The following PTPRM variants were observed in gnomAD, a reference collection of about 807,000 sequenced individuals.
The protein encoded by PTPRM is receptor-type tyrosine-protein phosphatase mu.
Under a neutral mutation model 186.7 loss-of-function variants are expected in PTPRM, and 47 were observed. That is an observed-to-expected ratio of 0.25 (90% CI 0.20 to 0.32). The LOEUF (loss-of-function observed/expected upper bound fraction) is 0.32, where lower values mean the gene tolerates loss of function less well. Among genes scored for constraint, PTPRM ranks in the 10% least tolerant of loss-of-function variants. PTPRM has a pLI of 1.00. For missense variants in PTPRM, 1,494 were observed against 1,865.0 expected (o/e 0.80, Z 3.66); for synonymous variants, 668 against 674.9 (o/e 0.99, Z 0.16).
At chr18:7,713,209 C>T (rs930495995) in intron 1 of PTPRM, among the ~76,000 whole-genome samples, 7 of 152,072 alleles carry the variant, frequency 4.6e-5, no homozygotes, top group Non-Finnish European at 7.4e-5. Context: ...GGGTGGGGGC[C>T]AATATTCAAC....
At chr18:8,065,021 C>A (rs1052640076) in intron 7 of PTPRM, among the ~76,000 whole-genome samples, 3 of 152,094 alleles carry the variant, frequency 2.0e-5, no homozygotes, top group Non-Finnish European at 2.9e-5. Flanking sequence ...CCATAGAGTT[C>A]ATTGAGAGGT....
At chr18:7,891,431 TA>T in intron 3 of PTPRM, among the ~76,000 whole-genome samples, 1 of 152,076 alleles carries the variant, frequency 6.6e-6, no homozygotes, top group Non-Finnish European at 1.5e-5. Flanking sequence ...AAACAAAAAG[TA>T]AAAATTTGTT....
intron 1 of PTPRM, among the ~76,000 whole-genome samples, chr18:7,665,439 C>T (rs917289331): frequency 2.6e-5 from 4 of 152,060 alleles, no homozygotes; most frequent in Non-Finnish European, 4.4e-5. Context: ...CTTATTACCT[C>T]GTAAATTTTT....
chr18:7,998,569 C>T (rs545047672), intron 7 of PTPRM, among the ~76,000 whole-genome samples: 1 of 152,118 alleles, frequency 6.6e-6, no homozygotes, highest in East Asian at 1.9e-4. Flanking sequence ...AGGAAAAAAG[C>T]ATTAAATATT....
At chr18:8,240,958 G>GT (rs1568585746) in intron 14 of PTPRM, among the ~76,000 whole-genome samples, 2 of 152,248 alleles carry the variant, frequency 1.3e-5, no homozygotes, top group Admixed American at 1.3e-4. Context: ...ACAGCTTTGT[G>GT]TAAAGCATTG....
intron 2 of PTPRM, among the ~76,000 whole-genome samples, chr18:7,784,236 G>A (rs1461779287): frequency 6.6e-6 from 1 of 152,082 alleles, no homozygotes; most frequent in Non-Finnish European, 1.5e-5. Flanking sequence ...TTAAGACCAG[G>A]AACAAATAGA....
At chr18:7,966,588 AG>A (rs2054081292) in intron 7 of PTPRM, among the ~76,000 whole-genome samples, 1 of 144,944 alleles carries the variant, frequency 6.9e-6, no homozygotes, top group African/African-American at 2.5e-5. Flanking sequence ...GGCTCAGGTC[AG>A]TGGGTGCGCG....
chr18:7,913,421 A>T (rs1314946659), intron 4 of PTPRM, among the ~76,000 whole-genome samples: 1 of 152,200 alleles, frequency 6.6e-6, no homozygotes, highest in Non-Finnish European at 1.5e-5. Flanking sequence ...TCCTCATCTT[A>T]GGAGGAAAGC....
chr18:8,289,607 CA>C (rs1253385399), intron 19 of PTPRM, among the ~76,000 whole-genome samples: 3 of 106,144 alleles, frequency 2.8e-5, no homozygotes, highest in African/African-American at 1.3e-4. Flanking sequence ...TATATACACA[CA>C]TATATATATA....
intron 7 of PTPRM, among the ~76,000 whole-genome samples, chr18:7,958,434 T>C (rs908718014): frequency 2.0e-5 from 3 of 152,060 alleles, no homozygotes; most frequent in Non-Finnish European, 4.4e-5. Context: ...TCTTAACTAA[T>C]GAGGAATGGT....
chr18:7,963,635 A>G (rs1305326194), intron 7 of PTPRM, among the ~76,000 whole-genome samples: 1 of 152,254 alleles, frequency 6.6e-6, no homozygotes, highest in Admixed American at 6.5e-5. Flanking sequence ...ATCAAGGGAA[A>G]GAGCTGGAGA....
At chr18:8,366,630 G>A (rs1460828131) in intron 23 of PTPRM, among the ~76,000 whole-genome samples, 1 of 152,180 alleles carries the variant, frequency 6.6e-6, no homozygotes, top group Non-Finnish European at 1.5e-5. Flanking sequence ...GAGTTATAGC[G>A]TTTCTGTGCT....
At chr18:7,989,089 A>G (rs764931118) in intron 7 of PTPRM, among the ~76,000 whole-genome samples, 1 of 152,164 alleles carries the variant, frequency 6.6e-6, no homozygotes, top group Non-Finnish European at 1.5e-5. Context: ...TGTTGGTCAT[A>G]GGTAAGTTGT....
At chr18:7,934,387 T>C (rs2051673557) in intron 5 of PTPRM, among the ~76,000 whole-genome samples, 1 of 152,182 alleles carries the variant, frequency 6.6e-6, no homozygotes, top group South Asian at 2.1e-4. Context: ...GTGAAAAAAG[T>C]ATGTTTCTCC....
chr18:8,162,279 T>A (rs1417948314), intron 14 of PTPRM, among the ~76,000 whole-genome samples: 1 of 152,098 alleles, frequency 6.6e-6, no homozygotes, highest in Non-Finnish European at 1.5e-5. Context: ...TTTTACATTT[T>A]TAGTACAAAC....
chr18:7,918,957 T>G (rs1343041254), intron 4 of PTPRM, among the ~76,000 whole-genome samples: 1 of 152,196 alleles, frequency 6.6e-6, no homozygotes, highest in Non-Finnish European at 1.5e-5. Context: ...TCTATTTTGA[T>G]TTGACTTCTG....
chr18:7,753,024 G>A (rs747660982), intron 1 of PTPRM, among the ~76,000 whole-genome samples: 6 of 152,068 alleles, frequency 3.9e-5, no homozygotes, highest in Non-Finnish European at 7.4e-5. Context: ...TGTGATGAAC[G>A]AGATGGGGAG....
intron 14 of PTPRM, among the ~76,000 whole-genome samples, chr18:8,198,220 C>T (rs1406371073): frequency 6.6e-6 from 1 of 152,192 alleles, no homozygotes; most frequent in Non-Finnish European, 1.5e-5. Context: ...AAACATGGCT[C>T]ACTGCAGCCT....
At chr18:8,049,938 C>T (rs917480272) in intron 7 of PTPRM, among the ~76,000 whole-genome samples, 6 of 151,980 alleles carry the variant, frequency 3.9e-5, no homozygotes, top group African/African-American at 1.2e-4. Flanking sequence ...GTCTCAAACT[C>T]CTGACCTTGT....
Sources: allele counts gnomAD v4.1 joint callset (sites outside exome capture counted in the v4.1 genomes callset), GRCh38; gene constraint gnomAD v4.1.1; transcripts MANE v1.5; gene names NCBI Gene and HGNC (gene_info 2026-07-23, HGNC 2026-07-21).